Variants in AP3B1 observed in about 807,000 individuals in gnomAD.
AP3B1 encodes AP-3 complex subunit beta-1.
In AP3B1, 61 loss-of-function variants were observed where a neutral mutation model predicts 132.5. The observed-to-expected ratio is 0.46, with a 90% CI of 0.37 to 0.57. The LOEUF (loss-of-function observed/expected upper bound fraction) is 0.57. AP3B1 is among the 20% of genes least tolerant of loss of function. AP3B1 has a pLI of 0.00. For synonymous variants in AP3B1, 388 were observed against 438.3 expected (o/e 0.89, Z 1.43); for missense variants, 1,120 against 1,289.4 (o/e 0.87, Z 2.01).
chr5:78,096,569 C>T (rs1174154278), intron 21 of AP3B1, among the ~76,000 whole-genome samples: 6 of 151,182 alleles, frequency 4.0e-5, no homozygotes, highest in East Asian at 2.0e-4. Flanking sequence ...AAGTGAGGAG[C>T]GTCTCTGCCC....
At chr5:78,268,748 T>C (rs1245399793) in intron 1 of AP3B1, among the ~76,000 whole-genome samples, 1 of 152,096 alleles carries the variant, frequency 6.6e-6, no homozygotes, top group Non-Finnish European at 1.5e-5. Flanking sequence ...ATATTAAAGA[T>C]AAAGGTTTTG....
chr5:78,095,615 C>A (rs1253204888), intron 21 of AP3B1, among the ~76,000 whole-genome samples: 1 of 152,134 alleles, frequency 6.6e-6, no homozygotes, highest in Non-Finnish European at 1.5e-5. Flanking sequence ...CTCTCTGTTT[C>A]TTCACTATAC....
chr5:78,197,889 A>T (rs1426026287), intron 7 of AP3B1, among the ~76,000 whole-genome samples: 2 of 152,216 alleles, frequency 1.3e-5, no homozygotes, highest in Non-Finnish European at 2.9e-5. Context: ...AACTTCTAGT[A>T]TTAATAAAAC....
intron 15 of AP3B1, among the ~76,000 whole-genome samples, chr5:78,131,708 G>A (rs1345188546): frequency 1.3e-5 from 2 of 152,112 alleles, no homozygotes; most frequent in African/African-American, 4.8e-5. Flanking sequence ...AGGTGAGATA[G>A]TGCAAATGAC....
At chr5:78,142,782 T>C (rs1365998114) in intron 14 of AP3B1, among the ~76,000 whole-genome samples, 1 of 152,158 alleles carries the variant, frequency 6.6e-6, no homozygotes, top group Admixed American at 6.6e-5. Flanking sequence ...AAGAAATCCA[T>C]ATACTTGTGC....
rs1298739100 is a variant in AP3B1, at chr5:78,193,732, GTA to G, written c.787-12072_787-12071del. Among the ~76,000 whole-genome samples, 811 of 89,152 alleles carry G rather than the reference GTA, an allele frequency of 9.1e-3. 16 individuals carry two copies. The highest frequency in any genetic ancestry group is 0.031 in the African/African-American group (761 of 24,718). The allele number at this position is 89,152 out of a possible 152,430, so 58.5% of individuals were successfully genotyped here. A position where few individuals can be genotyped will look rare whatever the true frequency, so the allele number is the denominator to read the frequency against. On this transcript the variant is annotated intron_variant, in intron 7 of 26. Transcript: ENST00000255194. ...TATATTTACATATTTTTAAATATTTGTATATATTTTTTTATATATATATATAT... is the reference window on the plus strand; with the variant it reads ...TATATTTACATATTTTTAAATATTTGTATATTTTTTTATATATATATATAT...
chr5:78,089,958 T>G (rs1750439506), intron 21 of AP3B1, among the ~76,000 whole-genome samples: 1 of 152,356 alleles, frequency 6.6e-6, no homozygotes, highest in Non-Finnish European at 1.5e-5. Context: ...CCCTTGTAAT[T>G]ATACTTTTTC....
intron 11 of AP3B1, among the ~76,000 whole-genome samples, chr5:78,171,742 C>T (rs923337622): frequency 4.6e-5 from 7 of 152,160 alleles, no homozygotes; most frequent in African/African-American, 1.7e-4. Flanking sequence ...CTTTCTCTTG[C>T]CTGATTGCCC....
chr5:78,126,137 T>G (rs1190254412), intron 17 of AP3B1, among the ~76,000 whole-genome samples: 1 of 150,510 alleles, frequency 6.6e-6, no homozygotes, highest in Non-Finnish European at 1.5e-5. Flanking sequence ...AATAAGAAAT[T>G]AGGAGAGAAA....
At chr5:78,230,825 T>C (rs181979795) in intron 3 of AP3B1, among the ~76,000 whole-genome samples, 19 of 152,208 alleles carry the variant, frequency 1.2e-4, no homozygotes, top group African/African-American at 4.6e-4. Context: ...ACATTGAAAA[T>C]ATATCCTTGT....
In AP3B1 at chr5:78,149,407, T is replaced by C. The variant is rs931867849; in HGVS notation, c.1473+6851A>G. On this transcript the variant is annotated intron_variant, in intron 14 of 26. Transcript: ENST00000255194. ...GTTGCTATTAAAAATTAATAATTTATATTTTTAAGGTACTTAGAATAGTGC... is the reference window on the plus strand; with the variant it reads ...GTTGCTATTAAAAATTAATAATTTACATTTTTAAGGTACTTAGAATAGTGC... Among the ~76,000 whole-genome samples, 23 of 152,324 alleles carry C rather than the reference T, an allele frequency of 1.5e-4. 1 individual carries two copies. Among genetic ancestry groups the C allele is most frequent in the Non-Finnish European group, 1.5e-4 (10 of 68,018 alleles).
At chr5:78,172,148 T>G (rs779092329) in intron 11 of AP3B1, among the ~76,000 whole-genome samples, 3 of 152,226 alleles carry the variant, frequency 2.0e-5, no homozygotes, top group Non-Finnish European at 4.4e-5. Flanking sequence ...TGCCATTATT[T>G]TATTGAGGAT....
chr5:78,033,512 T>C (rs1561364519), intron 24 of AP3B1, among the ~76,000 whole-genome samples: 2 of 152,072 alleles, frequency 1.3e-5, no homozygotes, highest in Admixed American at 6.5e-5. Flanking sequence ...AAAATGTCTA[T>C]TTCTAAAACT....
chr5:78,047,225 G>A (rs1043406318), intron 22 of AP3B1, among the ~76,000 whole-genome samples: 2 of 152,180 alleles, frequency 1.3e-5, no homozygotes, highest in Admixed American at 1.3e-4. Context: ...CCAGTAATGG[G>A]ATTGCTGGGT....
chr5:78,120,160 C>T (rs1752100538), intron 17 of AP3B1, among the ~76,000 whole-genome samples: 1 of 152,180 alleles, frequency 6.6e-6, no homozygotes, highest in Non-Finnish European at 1.5e-5. Context: ...TTGTCACCAC[C>T]CGGCCTGCCC....
intron 7 of AP3B1, among the ~76,000 whole-genome samples, chr5:78,203,100 CTTA>C (rs1346661719): frequency 9.2e-5 from 14 of 152,296 alleles, no homozygotes; most frequent in East Asian, 7.7e-4. Context: ...AGCTGTTGAT[CTTA>C]TTGAGGAAAC....
At chr5:78,280,195 T>C (rs868049712) in intron 1 of AP3B1, among the ~76,000 whole-genome samples, 6 of 152,060 alleles carry the variant, frequency 3.9e-5, no homozygotes, top group East Asian at 1.9e-4. Flanking sequence ...AGAAGAACTT[T>C]TCTTTTAAAC....
chr5:78,117,015 A>T (rs1751869248), intron 17 of AP3B1, among the ~76,000 whole-genome samples: 1 of 151,616 alleles, frequency 6.6e-6, no homozygotes, highest in Non-Finnish European at 1.5e-5. Flanking sequence ...CCCCTCCACA[A>T]CTGTCCCCGT....
chr5:78,018,108 C>T (rs985917541), intron 25 of AP3B1, among the ~76,000 whole-genome samples: 1 of 151,758 alleles, frequency 6.6e-6, no homozygotes, highest in Non-Finnish European at 1.5e-5. Context: ...ATTAAAACTG[C>T]GTGAAGAAAC....
Sources: allele counts gnomAD v4.1 joint callset (sites outside exome capture counted in the v4.1 genomes callset), GRCh38; gene constraint gnomAD v4.1.1; transcripts MANE v1.5; gene names NCBI Gene and HGNC (gene_info 2026-07-23, HGNC 2026-07-21).